HIVEP3: variants seen among roughly 807,000 people sequenced by gnomAD.
HIVEP3 encodes transcription factor HIVEP3.
Under a neutral mutation model 152.8 loss-of-function variants are expected in HIVEP3, and 49 were observed. The observed-to-expected ratio is 0.32, with a 90% confidence interval of 0.26 to 0.41. The LOEUF is 0.41. HIVEP3 is among the 10% of genes least tolerant of loss of function. The pLI is 1.00. For missense variants in HIVEP3, 2,790 were observed against 3,103.3 expected (o/e 0.90, Z 2.40); for synonymous variants, 1,269 against 1,289.0 (o/e 0.98, Z 0.33).
chr1:41,872,862 C>T (rs1262783507), intron 1 of HIVEP3, among the ~76,000 whole-genome samples: 4 of 152,190 alleles, frequency 2.6e-5, no homozygotes, highest in African/African-American at 4.8e-5. Flanking sequence ...TGAACATCCA[C>T]GTACAAGTCT....
At chr1:41,999,342 C>G (rs1645413957) in intron 1 of HIVEP3, among the ~76,000 whole-genome samples, 1 of 152,120 alleles carries the variant, frequency 6.6e-6, no homozygotes, top group African/African-American at 2.4e-5. Flanking sequence ...TCATTAAAGG[C>G]AATTAGAATT....
intron 1 of HIVEP3, among the ~76,000 whole-genome samples, chr1:41,800,716 G>A (rs1200250903): frequency 3.3e-5 from 5 of 152,236 alleles, no homozygotes; most frequent in Admixed American, 2.6e-4. Context: ...GAGGATGTGG[G>A]AAGTCCCCTT....
chr1:41,665,141 A>T (rs1645774990), intron 2 of HIVEP3, among the ~76,000 whole-genome samples: 1 of 152,182 alleles, frequency 6.6e-6, no homozygotes, highest in African/African-American at 2.4e-5. Flanking sequence ...ACTGGAAGCC[A>T]GAAGGTCTTC....
chr1:41,806,042 C>A (rs1321120503), intron 1 of HIVEP3, among the ~76,000 whole-genome samples: 1 of 152,160 alleles, frequency 6.6e-6, no homozygotes, highest in Non-Finnish European at 1.5e-5. Flanking sequence ...GCAGTACCAG[C>A]TGAGGCACAG....
At chr1:41,977,090 G>A (rs935594267) in intron 1 of HIVEP3, among the ~76,000 whole-genome samples, 6 of 152,170 alleles carry the variant, frequency 3.9e-5, no homozygotes, top group African/African-American at 1.4e-4. Flanking sequence ...ATAACCAAAA[G>A]CGAAAGGATG....
At chr1:41,755,860 T>C (rs1457475680) in intron 1 of HIVEP3, among the ~76,000 whole-genome samples, 2 of 152,196 alleles carry the variant, frequency 1.3e-5, no homozygotes, top group Non-Finnish European at 2.9e-5. Context: ...TTGCATCCCT[T>C]GTCCATTGCC....
At chr1:41,781,587 C>T (rs961215527) in intron 1 of HIVEP3, among the ~76,000 whole-genome samples, 1 of 152,214 alleles carries the variant, frequency 6.6e-6, no homozygotes, top group Non-Finnish European at 1.5e-5. Flanking sequence ...TGAAGACCAT[C>T]TTCCATATGG....
chr1:41,762,013 C>T (rs187271217), intron 1 of HIVEP3, among the ~76,000 whole-genome samples: 15 of 152,332 alleles, frequency 9.8e-5, no homozygotes, highest in African/African-American at 3.4e-4. Flanking sequence ...GATCCCCACT[C>T]CTCACCTATT....
In HIVEP3 at chr1:41,712,998, C is replaced by A. The variant is rs907283348; in HGVS notation, c.-800-12003G>T. Among the ~76,000 whole-genome samples, 10 of 152,288 alleles carry A rather than the reference C, an allele frequency of 6.6e-5. No individual in the cohort carries two copies. The East Asian group carries it at 1.9e-3, about 30-fold the overall frequency. ...GATGTGGAAGTCTTGGTGTCAGACACACGTGGTCCTTCCACTTCTGAGATG... is the reference window on the plus strand; with the variant it reads ...GATGTGGAAGTCTTGGTGTCAGACAAACGTGGTCCTTCCACTTCTGAGATG... On this transcript the variant is annotated intron_variant, in intron 1 of 8. Coordinates refer to ENST00000372583, the MANE Select transcript of HIVEP3 (RefSeq NM_024503.5).
rs569839276 is a variant in HIVEP3 at position 41,985,126 on chromosome 1, T to C, written n.119+50681A>G. 2.0e-5 allele frequency among the ~76,000 whole-genome samples: 3 copies of C among 152,186 alleles called. No individual in the cohort carries two copies. In the East Asian group the frequency reaches 5.8e-4, roughly 29 times the overall value. ...ATGAAGGGTGGGAAGGAGCTAGCCATGGGAAGAATGGAAAACTAGTTCCAG... is the reference window on the plus strand; with the variant it reads ...ATGAAGGGTGGGAAGGAGCTAGCCACGGGAAGAATGGAAAACTAGTTCCAG... On this transcript the variant is annotated intron_variant and non_coding_transcript_variant, in intron 1 of 3. Coordinates refer to the HIVEP3 transcript ENST00000489103.
rs1000575268 is a variant in HIVEP3 at position 41,924,254 on chromosome 1, C to T, written n.120-5730G>A. 3.3e-5 allele frequency among the ~76,000 whole-genome samples: 5 copies of T among 152,126 alleles called. No homozygotes were observed. In the East Asian group the frequency reaches 5.8e-4, roughly 18 times the overall value. On this transcript the variant is annotated intron_variant and non_coding_transcript_variant, in intron 1 of 3. Coordinates refer to the HIVEP3 transcript ENST00000489103. ...GAAAGAGGTAGGAATGGATTCTCCCCTGAGCCTCCGGAGGGAGCATAGCCC... is the reference window on the plus strand; with the variant it reads ...GAAAGAGGTAGGAATGGATTCTCCCTTGAGCCTCCGGAGGGAGCATAGCCC...
intron 1 of HIVEP3, among the ~76,000 whole-genome samples, chr1:41,880,683 G>A (rs1306203655): frequency 2.6e-5 from 4 of 152,064 alleles, no homozygotes; most frequent in Non-Finnish European, 2.9e-5. Flanking sequence ...ATCAGTTTTC[G>A]AGGTCTCCAG....
At position 41,951,310 on chromosome 1, in the gene HIVEP3, G is replaced by C. The variant is rs115494321; in HGVS notation, n.120-32786C>G. On this transcript the variant is annotated intron_variant and non_coding_transcript_variant, in intron 1 of 3. Coordinates refer to the HIVEP3 transcript ENST00000489103. Reference sequence around the variant, plus strand: ...AATGTTTAGGGGAAAAGGCCAAAAAGATAGCACACTGTATGATCCCATTTA... The same window carrying C: ...AATGTTTAGGGGAAAAGGCCAAAAACATAGCACACTGTATGATCCCATTTA... 5.8e-3 allele frequency among the ~76,000 whole-genome samples: 889 copies of C among 152,288 alleles called. 13 individuals carry two copies. Among genetic ancestry groups the C allele is most frequent in the African/African-American group, 0.02 (834 of 41,564 alleles).
intron 3 of HIVEP3, among the ~76,000 whole-genome samples, chr1:41,587,040 C>G (rs1456911089): frequency 6.6e-6 from 1 of 152,034 alleles, no homozygotes; most frequent in African/African-American, 2.4e-5. Context: ...TATGAGCTTC[C>G]TGGCAGCCAA....
intron 1 of HIVEP3, among the ~76,000 whole-genome samples, chr1:41,985,807 A>G (rs937688456): frequency 2.0e-5 from 3 of 152,202 alleles, no homozygotes; most frequent in Admixed American, 2.0e-4. Context: ...GGCCCTTGTC[A>G]GATGCTTGTC....
intron 1 of HIVEP3, among the ~76,000 whole-genome samples, chr1:41,925,925 T>C (rs902574931): frequency 4.6e-5 from 7 of 152,178 alleles, no homozygotes; most frequent in African/African-American, 1.4e-4. Flanking sequence ...TTCTAGCCAA[T>C]GGGATGTAAA....
chr1:41,841,429 G>A lies in HIVEP3; in HGVS notation c.-801+76984C>T, dbSNP rs193145734. 2.2e-3 allele frequency among the ~76,000 whole-genome samples: 336 copies of A among 152,236 alleles called. 4 individuals are homozygous for A. The highest frequency in any genetic ancestry group is 7.5e-3 in the African/African-American group (312 of 41,516). The stretch of plus-strand genomic sequence containing the variant: ...GCATTACAAACAGTGCAAAGCCTCC[G>A]GAGCCGAATGCTCTGTGAATATCAG... On this transcript the variant is annotated intron_variant, in intron 1 of 8. Coordinates refer to ENST00000372583, the MANE Select transcript of HIVEP3 (RefSeq NM_024503.5).
At chr1:41,692,428 A>G (rs1226704134) in intron 2 of HIVEP3, among the ~76,000 whole-genome samples, 1 of 152,254 alleles carries the variant, frequency 6.6e-6, no homozygotes, top group African/African-American at 2.4e-5. Context: ...GAGAGGAGTT[A>G]TAGCGCCACT....
At chr1:41,717,324 C>G (rs1019087771) in intron 1 of HIVEP3, among the ~76,000 whole-genome samples, 2 of 152,126 alleles carry the variant, frequency 1.3e-5, no homozygotes, top group African/African-American at 4.8e-5. Flanking sequence ...GTGAATCAGA[C>G]AAGAAAAACT....
Sources: allele counts gnomAD v4.1 joint callset (sites outside exome capture counted in the v4.1 genomes callset), GRCh38; gene constraint gnomAD v4.1.1; transcripts MANE v1.5; gene names NCBI Gene and HGNC (gene_info 2026-07-23, HGNC 2026-07-21).